Variants in TRDN observed in about 807,000 individuals in gnomAD.
TRDN encodes the protein triadin.
TRDN carries 161 observed loss-of-function variants against 149.7 expected under a neutral mutation model. The observed-to-expected ratio is 1.08, with a 90% CI of 0.95 to 1.23. The LOEUF is 1.23. Ranked by LOEUF, TRDN falls within the 50% of genes most tolerant of loss-of-function variation. The pLI, the probability that TRDN is intolerant of heterozygous loss-of-function variation, is 0.00. For synonymous variants in TRDN, 294 were observed against 250.5 expected (o/e 1.17, Z -1.64); for missense variants, 896 against 823.5 (o/e 1.09, Z -1.08).
At position 123,224,095 on chromosome 6, in the gene TRDN, T is replaced by C. The variant is rs534463218; in HGVS notation, c.2012A>G (p.Lys671Arg). The C allele has an allele frequency of 6.2e-7, 1 of 1,610,460 alleles. No individual in the cohort carries two copies. Among genetic ancestry groups the C allele is most frequent in the East Asian group, 2.2e-5 (1 of 44,770 alleles). ...TGATCCAAAGACAGCAAACTCACCTTTAGCTTTCTTTGAAGCTGGTACATC... is the reference window on the plus strand; with the variant it reads ...TGATCCAAAGACAGCAAACTCACCTCTAGCTTTCTTTGAAGCTGGTACATC... ...VEDVPASKKA[K>R]EGTEDVSPTK... Residue 671 changes from lysine to arginine, a missense_variant and splice_region_variant, in exon 39 of 41, where the codon AAA (lysine) becomes AGA (arginine). Coordinates refer to ENST00000334268, the MANE Select transcript of TRDN (RefSeq NM_006073.4).
chr6:123,288,022 C>G (rs1186401615), intron 24 of TRDN, among the ~76,000 whole-genome samples: 3 of 143,572 alleles, frequency 2.1e-5, no homozygotes, highest in African/African-American at 7.4e-5. Context: ...GGCATGTTTC[C>G]ATTTATACCC....
chr6:123,519,331 A>G (rs1779557196), intron 5 of TRDN, among the ~76,000 whole-genome samples: 1 of 151,904 alleles, frequency 6.6e-6, no homozygotes, highest in Non-Finnish European at 1.5e-5. Context: ...GGACCCAAGC[A>G]CATCTCTCAC....
intron 22 of TRDN, among the ~76,000 whole-genome samples, chr6:123,336,829 T>C (rs755865720): frequency 5.3e-5 from 8 of 151,024 alleles, no homozygotes; most frequent in Middle Eastern, 3.5e-3. Flanking sequence ...CACACACTTA[T>C]ATAATAAATT....
intron 28 of TRDN, 147 bp downstream of exon 28, chr6:123,273,189 TA>T: frequency 1.3e-6 from 1 of 768,420 alleles, no homozygotes; most frequent in Non-Finnish European, 1.9e-6. Flanking sequence ...AATTCTTATT[TA>T]CAAAATTTTT....
At chr6:123,590,392 G>C (rs1358023995) in intron 1 of TRDN, among the ~76,000 whole-genome samples, 2 of 152,136 alleles carry the variant, frequency 1.3e-5, no homozygotes, top group Non-Finnish European at 2.9e-5. Flanking sequence ...CAGTTACAGG[G>C]AACACACTTC....
intron 12 of TRDN, among the ~76,000 whole-genome samples, chr6:123,417,711 C>T (rs1773713209): frequency 6.6e-6 from 1 of 152,180 alleles, no homozygotes; most frequent in Admixed American, 6.5e-5. Context: ...AGACAGCTGG[C>T]TAGGGGCAGA....
intron 12 of TRDN, among the ~76,000 whole-genome samples, chr6:123,423,517 C>A (rs1324878166): frequency 6.6e-6 from 1 of 152,114 alleles, no homozygotes; most frequent in Non-Finnish European, 1.5e-5. Flanking sequence ...ATCTCACTCT[C>A]ATTATTCAAG....
At chr6:123,260,797 C>T (rs1776743403) in intron 33 of TRDN, among the ~76,000 whole-genome samples, 159 bp from the exon 34 acceptor site, 1 of 151,652 alleles carries the variant, frequency 6.6e-6, no homozygotes, top group Non-Finnish European at 1.5e-5. Flanking sequence ...AAGAAATGTA[C>T]TGATGATTAA....
chr6:123,588,618 A>C (rs1783630268), intron 1 of TRDN, among the ~76,000 whole-genome samples: 1 of 152,210 alleles, frequency 6.6e-6, no homozygotes, highest in African/African-American at 2.4e-5. Context: ...GGCTGCCATA[A>C]CAAAATACTA....
intron 20 of TRDN, among the ~76,000 whole-genome samples, chr6:123,355,530 T>A (rs924926216): frequency 1.3e-5 from 2 of 151,728 alleles, no homozygotes; most frequent in Non-Finnish European, 3.0e-5. Context: ...TTAAGATAAT[T>A]CTTGATATCT....
chr6:123,347,062 A>C (rs1780281325), intron 21 of TRDN, among the ~76,000 whole-genome samples: 1 of 152,062 alleles, frequency 6.6e-6, no homozygotes, highest in Non-Finnish European at 1.5e-5. Context: ...GTGGGGTAGA[A>C]ACAGTGAACC....
intron 23 of TRDN, among the ~76,000 whole-genome samples, chr6:123,330,233 A>G (rs1340222135): frequency 6.6e-6 from 1 of 152,100 alleles, no homozygotes; most frequent in African/African-American, 2.4e-5. Flanking sequence ...ATATAGCATC[A>G]TTGTGTGATT....
At chr6:123,627,075 C>A (rs1488026823) in intron 1 of TRDN, among the ~76,000 whole-genome samples, 3 of 151,786 alleles carry the variant, frequency 2.0e-5, no homozygotes, top group Non-Finnish European at 4.4e-5. Context: ...ATTACAGGTG[C>A]CTGCCACCAC....
intron 1 of TRDN, among the ~76,000 whole-genome samples, chr6:123,626,807 T>C (rs1016793487): frequency 6.6e-6 from 1 of 152,038 alleles, no homozygotes; most frequent in African/African-American, 2.4e-5. Context: ...GCATCTAGAA[T>C]GGTGAATTCT....
chr6:123,450,748 G>T (rs1775719159), intron 10 of TRDN, among the ~76,000 whole-genome samples: 2 of 151,988 alleles, frequency 1.3e-5, no homozygotes, highest in South Asian at 4.1e-4. Flanking sequence ...GGAACAACTG[G>T]ACTTAACAGA....
intron 2 of TRDN, among the ~76,000 whole-genome samples, chr6:123,555,432 T>A (rs554115768): frequency 9.8e-5 from 15 of 152,298 alleles, no homozygotes; most frequent in African/African-American, 3.6e-4. Context: ...AACACCTTTA[T>A]TCCTCTGTAT....
intron 12 of TRDN, among the ~76,000 whole-genome samples, chr6:123,414,079 C>A: frequency 6.6e-6 from 1 of 152,078 alleles, no homozygotes; most frequent in East Asian, 1.9e-4. Context: ...TGCACAATTT[C>A]TCTGATCTTC....
chr6:123,485,730 A>T (rs1777944704), intron 9 of TRDN, among the ~76,000 whole-genome samples: 1 of 152,178 alleles, frequency 6.6e-6, no homozygotes. Flanking sequence ...TAAAATATAC[A>T]TTAACCCTAT....
At chr6:123,411,837 C>G (rs1213175534) in intron 12 of TRDN, 1 of 152,090 alleles carries the variant, frequency 6.6e-6, no homozygotes, top group Non-Finnish European at 1.5e-5. Context: ...AATTAAGAAG[C>G]CAGTCCATGA....
Sources: allele counts gnomAD v4.1 joint callset (sites outside exome capture counted in the v4.1 genomes callset), GRCh38; gene constraint gnomAD v4.1.1; transcripts MANE v1.5; gene names NCBI Gene and HGNC (gene_info 2026-07-23, HGNC 2026-07-21).